SLC1A2: variants seen among roughly 807,000 people sequenced by gnomAD.
SLC1A2 encodes solute carrier family 1 member 2, also known as excitatory amino acid transporter 2.
A neutral mutation model predicts 48.8 loss-of-function variants in SLC1A2; 15 were observed. That is an observed-to-expected ratio of 0.31 (90% CI 0.21 to 0.47). The LOEUF (loss-of-function observed/expected upper bound fraction) is 0.47, where lower values mean the gene tolerates loss of function less well. Ranked by LOEUF, SLC1A2 falls within the 20% of genes least tolerant of loss-of-function variation. The pLI is 0.99. For synonymous variants in SLC1A2, 279 were observed against 272.6 expected (o/e 1.02, Z -0.23); for missense variants, 502 against 730.5 (o/e 0.69, Z 3.61).
intron 1 of SLC1A2, among the ~76,000 whole-genome samples, chr11:35,355,895 A>G (rs1172499749): frequency 2.0e-5 from 3 of 152,024 alleles, no homozygotes; most frequent in Non-Finnish European, 4.4e-5. Flanking sequence ...ATCTCAAAAA[A>G]AAAAAAAAAA....
chr11:35,321,616 T>C (rs1165183272), intron 1 of SLC1A2, among the ~76,000 whole-genome samples: 1 of 151,898 alleles, frequency 6.6e-6, no homozygotes, highest in East Asian at 1.9e-4. Context: ...CCATCATGAA[T>C]ATTATGAGGG....
At chr11:35,301,403 G>T (rs904980353) in intron 6 of SLC1A2, 116 bp downstream of exon 6, 1 of 867,710 alleles carries the variant, frequency 1.2e-6, no homozygotes, top group South Asian at 1.8e-5. Flanking sequence ...AGTCTTTCTG[G>T]AAAGACATTT....
intron 4 of SLC1A2, among the ~76,000 whole-genome samples, chr11:35,311,155 T>G (rs942079458): frequency 6.6e-6 from 1 of 151,394 alleles, no homozygotes; most frequent in Non-Finnish European, 1.5e-5. Context: ...GTTAAATTCT[T>G]TTTTTTTGTT....
At chr11:35,327,865 G>A (rs535362215) in intron 1 of SLC1A2, among the ~76,000 whole-genome samples, 5 of 152,330 alleles carry the variant, frequency 3.3e-5, no homozygotes, top group East Asian at 1.9e-4. Flanking sequence ...CTGCAGCAAA[G>A]TTAAACCTGT....
At chr11:35,314,973 AG>A in intron 3 of SLC1A2, 49 bp downstream of exon 3, 1 of 1,366,388 alleles carries the variant, frequency 7.3e-7, no homozygotes, top group Non-Finnish European at 1.0e-6. Context: ...ATTAAAAGCC[AG>A]GGCAGGAGTA....
chr11:35,405,614 C>G (rs1338574663), intron 1 of SLC1A2, among the ~76,000 whole-genome samples: 1 of 152,146 alleles, frequency 6.6e-6, no homozygotes, highest in African/African-American at 2.4e-5. Flanking sequence ...CTCAAAGATT[C>G]TTTTCTGATG....
intron 8 of SLC1A2, chr11:35,285,868 T>C (rs1247571179): frequency 6.6e-6 from 1 of 152,202 alleles, no homozygotes; most frequent in Non-Finnish European, 1.5e-5. Context: ...GATGAGGAAA[T>C]TGAGACTGAG....
In SLC1A2 at chr11:35,399,354, G is replaced by GAGTTTATAAAC. The variant is rs543720272; in HGVS notation, c.17+19595_17+19596insGTTTATAAACT. 3.7e-3 allele frequency among the ~76,000 whole-genome samples: 567 copies of GAGTTTATAAAC among 152,242 alleles called. 3 individuals are homozygous for GAGTTTATAAAC. The highest frequency in any genetic ancestry group is 0.013 in the African/African-American group (551 of 41,548). On this transcript the variant is annotated intron_variant, in intron 1 of 10. Coordinates refer to ENST00000278379, the MANE Select transcript of SLC1A2 (RefSeq NM_004171.4). Reference sequence around the variant, plus strand: ...TAAGTACTCTAATTATAAACAGCTTGAGCTTGACTTACCCAGATAATGAAG... The same window carrying GAGTTTATAAAC: ...TAAGTACTCTAATTATAAACAGCTTGAGTTTATAAACAGCTTGACTTACCCAGATAATGAAG...
At chr11:35,418,688 C>A in intron 1 of SLC1A2, 1 of 512,892 alleles carries the variant, frequency 1.9e-6, no homozygotes, top group Non-Finnish European at 3.4e-6. Flanking sequence ...TTCTTCCTCA[C>A]ACTCTCAGGC....
chr11:35,279,906 A>G (rs530613543), intron 9 of SLC1A2, among the ~76,000 whole-genome samples: 6 of 152,288 alleles, frequency 3.9e-5, no homozygotes, highest in African/African-American at 1.4e-4. Context: ...TCCATTCTTG[A>G]CTGGGATGAA....
chr11:35,306,232 A>G lies in SLC1A2; in HGVS notation c.572T>C (p.Val191Ala). 1.9e-6 allele frequency: 3 copies of G among 1,613,458 alleles called. No individual in the cohort carries two copies. Among genetic ancestry groups the G allele is most frequent in the East Asian group, 4.5e-5 (2 of 44,860 alleles). The part of the protein sequence containing the change: ...VQACFQQIQT[V>A]TKKVLVAPPP... ...TGGTGCAACCAGGACTTTCTTCGTCACTGTTTGAATCTAACAGAGTGAGGG... is the reference window on the plus strand; with the variant it reads ...TGGTGCAACCAGGACTTTCTTCGTCGCTGTTTGAATCTAACAGAGTGAGGG... The change falls in exon 5 of 11, where the codon GTG (valine) becomes GCG (alanine). Residue 191 changes from valine (V) to alanine (A), a missense_variant. By Grantham distance (64) the Val-to-Ala change is moderately conservative (BLOSUM62 0). Around this residue, in one of 4 missense-constraint regions of SLC1A2, gnomAD observed 309 missense variants for 480.3 expected, o/e 0.64. Coordinates refer to ENST00000278379, the MANE Select transcript of SLC1A2 (RefSeq NM_004171.4).
intron 1 of SLC1A2, among the ~76,000 whole-genome samples, chr11:35,319,959 C>T (rs1399418418): frequency 6.6e-6 from 1 of 152,166 alleles, no homozygotes; most frequent in African/African-American, 2.4e-5. Flanking sequence ...AGGGACTCAG[C>T]TCGCAGCTGG....
Position 35,260,590 on chromosome 11 carries a change from T to C in SLC1A2, c.*304A>G. The C allele has an allele frequency of 2.8e-6, 1 of 354,650 alleles. No homozygotes were observed. The highest frequency in any genetic ancestry group is 5.2e-6 in the Non-Finnish European group (1 of 190,942). The allele number at this position is 354,650 out of a possible 1,614,324, so 22.0% of individuals were successfully genotyped here. A position where few individuals can be genotyped will look rare whatever the true frequency, so the allele number is the denominator to read the frequency against. On this transcript the variant is annotated 3_prime_UTR_variant, in exon 11 of 11. Coordinates refer to ENST00000278379, the MANE Select transcript of SLC1A2 (RefSeq NM_004171.4). ...GGAAAAGAGCATCCACATTTCTGCA[T>C]CTTGGGAGAAAAGGGAAGCTGGCAA...
At chr11:35,313,903 C>A (rs1402999166) in intron 3 of SLC1A2, among the ~76,000 whole-genome samples, 2 of 152,174 alleles carry the variant, frequency 1.3e-5, no homozygotes, top group African/African-American at 4.8e-5. Flanking sequence ...GTTACCAGAG[C>A]CTCACTCACT....
chr11:35,317,167 T>A (rs980523195), intron 2 of SLC1A2: 4 of 520,944 alleles, frequency 7.7e-6, no homozygotes, highest in South Asian at 3.3e-5. Flanking sequence ...TTGCAAAAAA[T>A]TTAAGAACTA....
At chr11:35,336,180 G>C (rs146527976) in intron 1 of SLC1A2, among the ~76,000 whole-genome samples, 3 of 150,468 alleles carry the variant, frequency 2.0e-5, no homozygotes, top group African/African-American at 7.3e-5. Context: ...TGGGGTGGGT[G>C]GGGGTAGAGC....
At chr11:35,389,346 T>G (rs1854686122) in intron 1 of SLC1A2, among the ~76,000 whole-genome samples, 1 of 152,232 alleles carries the variant, frequency 6.6e-6, no homozygotes, top group South Asian at 2.1e-4. Flanking sequence ...AGCTCAAGGC[T>G]GAGTTCACAG....
intron 1 of SLC1A2, among the ~76,000 whole-genome samples, chr11:35,405,596 A>G (rs565498005): frequency 6.6e-6 from 1 of 152,352 alleles, no homozygotes; most frequent in Non-Finnish European, 1.5e-5. Context: ...GGAAAGACAG[A>G]GGATGGGCTC....
intron 4 of SLC1A2, among the ~76,000 whole-genome samples, chr11:35,309,874 C>T (rs1471462131): frequency 6.6e-6 from 1 of 152,158 alleles, no homozygotes; most frequent in Non-Finnish European, 1.5e-5. Context: ...TTGTCCTAAT[C>T]CAAAGGGACC....
Sources: allele counts gnomAD v4.1 joint callset (sites outside exome capture counted in the v4.1 genomes callset), GRCh38; gene constraint gnomAD v4.1.1; regional missense constraint gnomAD v4.1.1; transcripts MANE v1.5; gene names NCBI Gene and HGNC (gene_info 2026-07-23, HGNC 2026-07-21).